The following TMEM69 variants were observed in gnomAD, a reference collection of about 807,000 sequenced individuals.
TMEM69 encodes the protein chromosome 1 open reading frame 154.
In TMEM69, 17 loss-of-function variants were observed where a neutral mutation model predicts 15.8. That is an observed-to-expected ratio of 1.07 (90% CI 0.73 to 1.61). The LOEUF is 1.61. TMEM69 is among the 40% of genes most tolerant of loss of function. The pLI is 0.00. For synonymous variants in TMEM69, 80 were observed against 98.6 expected, an observed-to-expected ratio of 0.81 and a Z score of 1.12; for missense variants, 230 against 286.1, an observed-to-expected ratio of 0.80 and a Z score of 1.41.
Position 45,693,252 on chromosome 1 carries a change from A to C in TMEM69, c.91A>C (p.Ile31Leu). The C allele has an allele frequency of 6.2e-7, 1 of 1,614,172 alleles. No homozygotes were observed. Among genetic ancestry groups the C allele is most frequent in the Non-Finnish European group, 8.5e-7 (1 of 1,180,012 alleles). The change falls in exon 3 of 3, where the codon ATA (isoleucine) becomes CTA (leucine). Residue 31 changes from isoleucine to leucine, a missense_variant. Coordinates refer to ENST00000372025, the MANE Select transcript of TMEM69 (RefSeq NM_016486.4). ...GGGACTAAGAACCAGCAGAACAGAT[A>C]TACTTTCTCTCAAGATGTCTCTCCA... ...PVGLRTSRTD[I>L]LSLKMSLQQN...
chr1:45,691,091 T>G lies in TMEM69; in HGVS notation c.23T>G (p.Phe8Cys). The change falls in exon 2 of 3, where the codon TTT (phenylalanine) becomes TGT (cysteine). Residue 8 changes from phenylalanine (F) to cysteine (C), a missense_variant. Transcript: ENST00000372025. Reference protein sequence around the residue: MLRFIQKFSQASSKILKY... With the variant: MLRFIQKCSQASSKILKY... Reference sequence around the variant, plus strand: ...AGTATGCTTCGCTTCATCCAGAAGTTTTCTCAAGCATCTTCAAAGGTTGGT... The same window carrying G: ...AGTATGCTTCGCTTCATCCAGAAGTGTTCTCAAGCATCTTCAAAGGTTGGT... 3 of 1,614,230 alleles carry G rather than the reference T, an allele frequency of 1.9e-6. No individual in the cohort carries two copies. The highest frequency in any genetic ancestry group is 2.5e-6 in the Non-Finnish European group (3 of 1,180,034).
chr1:45,694,314 T>C lies in TMEM69; in HGVS notation c.*409T>C, dbSNP rs1645367224. ...ACTTGAGCAAAAGCTTGAAAATCCCTGACAAGTACTTTTCATCTCATAGTA... is the reference window on the plus strand; with the variant it reads ...ACTTGAGCAAAAGCTTGAAAATCCCCGACAAGTACTTTTCATCTCATAGTA... On this transcript the variant is annotated 3_prime_UTR_variant, in exon 3 of 3. Coordinates refer to ENST00000372025, the MANE Select transcript of TMEM69 (RefSeq NM_016486.4). 7.6e-6 allele frequency: 5 copies of C among 654,532 alleles called. No homozygotes were observed. Among genetic ancestry groups the C allele is most frequent in the Non-Finnish European group, 5.4e-6 (2 of 373,816 alleles). The allele number at this position is 654,532 out of a possible 1,614,324, so 40.5% of individuals were successfully genotyped here.
chr1:45,691,774 A>G (rs1049229478), intron 2 of TMEM69, among the ~76,000 whole-genome samples: 3 of 115,320 alleles, frequency 2.6e-5, no homozygotes, highest in Non-Finnish European at 5.8e-5. Context: ...CCAGGAAGCA[A>G]AGGTTGCAGT....
At chr1:45,692,672 G>C (rs753408258) in intron 2 of TMEM69, among the ~76,000 whole-genome samples, 18 of 152,312 alleles carry the variant, frequency 1.2e-4, no homozygotes, top group Middle Eastern at 3.4e-3. Flanking sequence ...GAATGTTGAG[G>C]TAAGTTTCCT....
intron 1 of TMEM69, among the ~76,000 whole-genome samples, chr1:45,688,540 C>T (rs1645318675): frequency 6.6e-6 from 1 of 152,082 alleles, no homozygotes; most frequent in East Asian, 1.9e-4. Flanking sequence ...TCCTTAATCC[C>T]GCATCACCTG....
intron 1 of TMEM69, among the ~76,000 whole-genome samples, chr1:45,689,113 T>C (rs2148538883): frequency 6.6e-6 from 1 of 152,034 alleles, no homozygotes; most frequent in South Asian, 2.1e-4. Flanking sequence ...GTTCACTACG[T>C]TGGCCAGGCT....
intron 1 of TMEM69, among the ~76,000 whole-genome samples, chr1:45,688,524 T>C (rs1645318500): frequency 6.6e-6 from 1 of 152,116 alleles, no homozygotes; most frequent in South Asian, 2.1e-4. Context: ...AAGCTTTGAG[T>C]CTCAGTCCTT....
Position 45,693,725 on chromosome 1 carries a change from A to G in TMEM69, c.564A>G (p.Thr188=). ...AAAGACTTAGTGAAGCCATAGTCACAGTAATAATGGGTATGGGAGTAGCAT... is the reference window on the plus strand; with the variant it reads ...AAAGACTTAGTGAAGCCATAGTCACGGTAATAATGGGTATGGGAGTAGCAT... ...ISERLSEAIV[T]VIMGMGVAFH... is the part of the protein sequence containing the mutation. The change falls in exon 3 of 3, where the codon ACA becomes ACG. Residue 188 remains threonine, a synonymous_variant. Transcript: ENST00000372025. The G allele has an allele frequency of 1.2e-6, 2 of 1,614,248 alleles. No individual in the cohort carries two copies. Among genetic ancestry groups the G allele is most frequent in the Middle Eastern group, 1.6e-4 (1 of 6,062 alleles).
intron 2 of TMEM69, 39 bp downstream of exon 2, chr1:45,691,149 A>C (rs957767313): frequency 3.8e-6 from 6 of 1,596,596 alleles, no homozygotes; most frequent in Non-Finnish European, 5.2e-6. Flanking sequence ...CTATTTGCCA[A>C]ATATTGCTTG....
intron 1 of TMEM69, among the ~76,000 whole-genome samples, chr1:45,688,581 T>G (rs1645319340): frequency 6.6e-6 from 1 of 152,146 alleles, no homozygotes; most frequent in Non-Finnish European, 1.5e-5. Flanking sequence ...TTATCACTTT[T>G]TAATACCCAC....
At chr1:45,690,905 G>T (rs1645340308) in intron 1 of TMEM69, 69 bp from the exon 2 acceptor site, 1 of 684,554 alleles carries the variant, frequency 1.5e-6, no homozygotes. Context: ...TTATATTCAT[G>T]AATTACTACT....
In TMEM69 at chr1:45,694,376, G is replaced by A. The variant is rs1193409471; in HGVS notation, c.*471G>A. 2 of 954,304 alleles carry A rather than the reference G, an allele frequency of 2.1e-6. No homozygotes were observed. The highest frequency in any genetic ancestry group is 2.0e-5 in the Admixed American group (1 of 49,486). The allele number at this position is 954,304 out of a possible 1,614,324, so 59.1% of individuals were successfully genotyped here. A position where few individuals can be genotyped will look rare whatever the true frequency, so the allele number is the denominator to read the frequency against. On this transcript the variant is annotated 3_prime_UTR_variant, in exon 3 of 3. Transcript: ENST00000372025. ...ACTCAGTCATTTTATGAATAATATA[G>A]TTATCCACTTAAACATTTCAATATT...
chr1:45,691,056 A>G lies in TMEM69; in HGVS notation c.-13A>G, dbSNP rs1348476156. Reference sequence around the variant, plus strand: ...TGGCATCTTCCTGAACAAGACTTTCAATAGGGGCCAGTATGCTTCGCTTCA... The same window carrying G: ...TGGCATCTTCCTGAACAAGACTTTCGATAGGGGCCAGTATGCTTCGCTTCA... On this transcript the variant is annotated 5_prime_UTR_variant, in exon 2 of 3. Transcript: ENST00000372025. 6.2e-7 allele frequency: 1 copy of G among 1,614,172 alleles called. No homozygotes were observed. The highest frequency in any genetic ancestry group is 8.5e-7 in the Non-Finnish European group (1 of 1,180,004).
In TMEM69 at chr1:45,694,178, A is replaced by T. The variant is rs567473350; in HGVS notation, c.*273A>T. 4.2e-6 allele frequency: 2 copies of T among 473,948 alleles called. No homozygotes were observed. The highest frequency in any genetic ancestry group is 5.6e-5 in the South Asian group (2 of 35,930). The allele number at this position is 473,948 out of a possible 1,614,324, so 29.4% of individuals were successfully genotyped here. ...TAAATACACTGTAGATAACATTTGT[A>T]TGCCAGCTACACCTTTTTCTACTTC... is the stretch of plus-strand genomic sequence containing the variant. On this transcript the variant is annotated 3_prime_UTR_variant, in exon 3 of 3. Coordinates refer to ENST00000372025, the MANE Select transcript of TMEM69 (RefSeq NM_016486.4).
rs1645361725 is a variant in TMEM69, at chr1:45,693,663, C to T, written c.502C>T (p.Pro168Ser). 6.2e-7 allele frequency: 1 copy of T among 1,614,158 alleles called. No individual in the cohort carries two copies. The highest frequency in any genetic ancestry group is 8.5e-7 in the Non-Finnish European group (1 of 1,180,024). The change falls in exon 3 of 3, where the codon CCT becomes TCT. Residue 168 changes from proline to serine, a missense_variant. Physicochemically the swap from Pro to Ser is moderately conservative, Grantham distance 74. Coordinates refer to ENST00000372025, the MANE Select transcript of TMEM69 (RefSeq NM_016486.4). Reference sequence around the variant, plus strand: ...CCTTAATTTAGCTAGCAGTGCAGCTCCTCTTTTCTTTTCATGGTTTGCCTT... The same window carrying T: ...CCTTAATTTAGCTAGCAGTGCAGCTTCTCTTTTCTTTTCATGGTTTGCCTT... Reference protein sequence around the residue: ...DYLNLASSAAPLFFSWFAFLI... With the variant: ...DYLNLASSAASLFFSWFAFLI...
At chr1:45,690,521 A>T (rs954187870) in intron 1 of TMEM69, among the ~76,000 whole-genome samples, 8 of 152,124 alleles carry the variant, frequency 5.3e-5, no homozygotes, top group Admixed American at 2.0e-4. Context: ...CAAACAAATT[A>T]AAAAAACCTA....
At chr1:45,688,826 A>G (rs766592971) in intron 1 of TMEM69, among the ~76,000 whole-genome samples, 13 of 152,038 alleles carry the variant, frequency 8.6e-5, no homozygotes, top group Admixed American at 2.0e-4. Context: ...CCTTAAGTAT[A>G]GTATGAAGAC....
intron 2 of TMEM69, 84 bp downstream of exon 2, chr1:45,691,194 C>G: frequency 8.5e-7 from 1 of 1,183,218 alleles, no homozygotes; most frequent in Non-Finnish European, 1.3e-6. Flanking sequence ...GACAAAAATC[C>G]TTACCCTTGT....
In TMEM69 at chr1:45,693,850, T is replaced by C. The variant is rs200474067; in HGVS notation, c.689T>C (p.Leu230Ser). The change falls in exon 3 of 3, where the codon TTA becomes TCA. Residue 230 changes from leucine to serine, a missense_variant. Coordinates refer to ENST00000372025, the MANE Select transcript of TMEM69 (RefSeq NM_016486.4). ...LLATFSFIIT[L>S]VVKSSFPEKG... Reference sequence around the variant, plus strand: ...GCCACTTTTTCATTTATAATCACTTTAGTAGTTAAAAGTAGTTTTCCAGAA... The same window carrying C: ...GCCACTTTTTCATTTATAATCACTTCAGTAGTTAAAAGTAGTTTTCCAGAA... 10 of 1,612,830 alleles carry C rather than the reference T, an allele frequency of 6.2e-6. No homozygotes were observed. The highest frequency in any genetic ancestry group is 2.7e-5 in the African/African-American group (2 of 74,932).
Sources: allele counts gnomAD v4.1 joint callset (sites outside exome capture counted in the v4.1 genomes callset), GRCh38; gene constraint gnomAD v4.1.1; transcripts MANE v1.5; gene names NCBI Gene and HGNC (gene_info 2026-07-23, HGNC 2026-07-21).